Variants in NRDC observed in about 807,000 individuals in gnomAD.
NRDC encodes the protein nardilysin convertase, also known as nardilysin.
In NRDC, 54 loss-of-function variants were observed where a neutral mutation model predicts 147.1. The observed-to-expected ratio is 0.37, with a 90% CI of 0.29 to 0.46. NRDC has a LOEUF of 0.46. NRDC is among the 20% of genes least tolerant of loss of function. NRDC has a pLI of 1.00. For synonymous variants in NRDC, 440 were observed against 482.1 expected, an observed-to-expected ratio of 0.91 and a Z score of 1.14; for missense variants, 1,082 against 1,370.6, an observed-to-expected ratio of 0.79 and a Z score of 3.33.
chr1:51,799,810 A>T (rs1299230106), intron 21 of NRDC, among the ~76,000 whole-genome samples: 1 of 152,250 alleles, frequency 6.6e-6, no homozygotes, highest in Non-Finnish European at 1.5e-5. Context: ...AGAGGGTTTA[A>T]GTATTAGCAT....
chr1:51,821,829 C>T (rs1401627390), intron 7 of NRDC, among the ~76,000 whole-genome samples: 1 of 152,104 alleles, frequency 6.6e-6, no homozygotes, highest in Non-Finnish European at 1.5e-5. Flanking sequence ...ATATCTTTAG[C>T]ATTAGGCTAG....
intron 4 of NRDC, among the ~76,000 whole-genome samples, chr1:51,833,250 C>T (rs1680797852): frequency 6.6e-6 from 1 of 151,902 alleles, no homozygotes; most frequent in Non-Finnish European, 1.5e-5. Flanking sequence ...CACTTGAGGC[C>T]AGGAGTTTGA....
intron 2 of NRDC, 23 bp downstream of exon 2, chr1:51,840,200 TAGA>T: frequency 6.4e-7 from 1 of 1,550,832 alleles, no homozygotes. Context: ...ATTCCCAAAT[TAGA>T]AGAAAACAGA....
intron 22 of NRDC, chr1:51,798,010 T>C (rs1015738698): frequency 3.1e-5 from 14 of 446,854 alleles, no homozygotes; most frequent in African/African-American, 2.2e-4. Flanking sequence ...CCTTAAGTAA[T>C]GCTTCTGCCT....
chr1:51,815,192 T>TC (rs1200664190), intron 11 of NRDC, among the ~76,000 whole-genome samples: 3 of 150,786 alleles, frequency 2.0e-5, no homozygotes, highest in African/African-American at 7.3e-5. Flanking sequence ...CTTTTTTTTT[T>TC]TTTTTTTTTT....
intron 1 of NRDC, among the ~76,000 whole-genome samples, chr1:51,847,278 C>T (rs1253780448): frequency 6.6e-6 from 1 of 152,254 alleles, no homozygotes; most frequent in Non-Finnish European, 1.5e-5. Context: ...TAAAGGTTCT[C>T]CGAGTCCCCA....
chr1:51,824,476 T>C (rs1367934621), intron 6 of NRDC, among the ~76,000 whole-genome samples: 1 of 152,188 alleles, frequency 6.6e-6, no homozygotes, highest in Admixed American at 6.5e-5. Flanking sequence ...ATAAAATGTA[T>C]ATAACTGTAC....
rs771715940 is a variant in NRDC, at chr1:51,798,242, C to T, written c.2604+7G>A. 3 of 1,614,026 alleles carry T rather than the reference C, an allele frequency of 1.9e-6. No individual in the cohort carries two copies. Among genetic ancestry groups the T allele is most frequent in the South Asian group, 2.2e-5 (2 of 91,076 alleles). ...CAGACCTGGCCTACAGAGCATCTCA[C>T]ACTCACTGTGCTTGTGACATTCCCT... On this transcript the variant is annotated splice_region_variant and intron_variant, in intron 22 of 30. Coordinates refer to ENST00000352171, the MANE Select transcript of NRDC (RefSeq NM_001101662.2).
chr1:51,834,313 C>A, intron 3 of NRDC, 143 bp from the exon 4 acceptor site: 1 of 881,402 alleles, frequency 1.1e-6, no homozygotes, highest in South Asian at 1.7e-5. Flanking sequence ...TTTTTTTTTT[C>A]TTTGAGACAG....
chr1:51,791,343 A>C (rs1678644775), intron 27 of NRDC, among the ~76,000 whole-genome samples: 1 of 152,180 alleles, frequency 6.6e-6, no homozygotes, highest in African/African-American at 2.4e-5. Flanking sequence ...GAGAAGAAAC[A>C]CTGGCAAGCC....
At chr1:51,838,695 A>C (rs1281137517) in intron 2 of NRDC, among the ~76,000 whole-genome samples, 1 of 152,204 alleles carries the variant, frequency 6.6e-6, no homozygotes, top group Non-Finnish European at 1.5e-5. Flanking sequence ...ACAGAGCCAG[A>C]AGTAGAACCC....
rs1012344207 is a variant in NRDC, at chr1:51,837,046, T to C, written c.631-834A>G. Among the ~76,000 whole-genome samples the C allele has an allele frequency of 9.9e-5, 15 of 151,340 alleles. No homozygotes were observed. In the East Asian group the frequency reaches 2.9e-3, roughly 29 times the overall value. On this transcript the variant is annotated intron_variant, in intron 2 of 30. Coordinates refer to ENST00000352171, the MANE Select transcript of NRDC (RefSeq NM_001101662.2). ...ATCCTCCCACCTCAGCCTCTCAAAGTGCTGGGATTATAGGCGTGAGCCACT... is the reference window on the plus strand; with the variant it reads ...ATCCTCCCACCTCAGCCTCTCAAAGCGCTGGGATTATAGGCGTGAGCCACT...
At chr1:51,806,121 A>G (rs1264181675) in intron 18 of NRDC, among the ~76,000 whole-genome samples, 1 of 152,154 alleles carries the variant, frequency 6.6e-6, no homozygotes, top group Non-Finnish European at 1.5e-5. Flanking sequence ...TGCCATGTTC[A>G]AGAACAGAAC....
chr1:51,842,081 G>A (rs1440075460), intron 1 of NRDC, among the ~76,000 whole-genome samples: 1 of 152,130 alleles, frequency 6.6e-6, no homozygotes, highest in Non-Finnish European at 1.5e-5. Flanking sequence ...CTGAGGTTGG[G>A]AGGATGATTT....
intron 4 of NRDC, among the ~76,000 whole-genome samples, chr1:51,831,524 A>C (rs1336271710): frequency 1.3e-5 from 2 of 152,070 alleles, no homozygotes; most frequent in Admixed American, 6.6e-5. Context: ...ATCCTGTCTA[A>C]ATTTATAGGA....
chr1:51,795,276 T>A, intron 22 of NRDC: 1 of 1,139,308 alleles, frequency 8.8e-7, no homozygotes, highest in Non-Finnish European at 1.2e-6. Context: ...TTAAGAATTC[T>A]GTTTTCTTAT....
At chr1:51,830,352 T>C (rs1680654064) in intron 4 of NRDC, among the ~76,000 whole-genome samples, 1 of 152,240 alleles carries the variant, frequency 6.6e-6, no homozygotes, top group Admixed American at 6.5e-5. Context: ...CTGTTTGTGT[T>C]ATCTGTTCTC....
intron 1 of NRDC, among the ~76,000 whole-genome samples, chr1:51,876,889 T>C (rs1271622125): frequency 1.3e-5 from 2 of 152,230 alleles, no homozygotes; most frequent in Non-Finnish European, 2.9e-5. Context: ...GCAAGAAATT[T>C]GTAAAAAATC....
At chr1:51,816,414 A>G in intron 10 of NRDC, 25 bp from the exon 11 acceptor site, 2 of 1,465,580 alleles carry the variant, frequency 1.4e-6, no homozygotes, top group Non-Finnish European at 1.9e-6. Flanking sequence ...TAATGGTCAG[A>G]AGAAAAAAAC....
Sources: gnomAD v4.1 joint callset for allele counts (sites outside exome capture counted in the v4.1 genomes callset) on GRCh38, gnomAD v4.1.1 for gene constraint, MANE v1.5 for transcripts, NCBI Gene and HGNC (gene_info 2026-07-23, HGNC 2026-07-21) for gene names.